The following FAM3A variants were observed in gnomAD, a reference collection of about 807,000 sequenced individuals.
FAM3A encodes protein FAM3A.
A neutral mutation model predicts 18.1 loss-of-function variants in FAM3A; 5 were observed. The ratio of observed to expected loss-of-function variants is 0.28; its 90% CI spans 0.14 to 0.58. The LOEUF (loss-of-function observed/expected upper bound fraction) is 0.58. Ranked by LOEUF, FAM3A falls within the 20% of genes least tolerant of loss-of-function variation. The pLI, the probability that FAM3A is intolerant of heterozygous loss-of-function variation, is 0.91. For missense variants in FAM3A, 154 were observed against 216.6 expected, an observed-to-expected ratio of 0.71 and a Z score of 1.81; for synonymous variants, 108 against 90.2, an observed-to-expected ratio of 1.20 and a Z score of -1.12.
At chrX:154,514,877 C>G (rs1268003361) in intron 1 of FAM3A, among the ~76,000 whole-genome samples, 2 of 109,337 alleles carry the variant, frequency 1.8e-5, no homozygotes, top group East Asian at 5.9e-4. Context: ...CGGAGTCTCG[C>G]TCTGTCGCCC....
In FAM3A at chrX:154,515,940, C is replaced by A; in HGVS notation, c.-168G>T. On this transcript the variant is annotated 5_prime_UTR_variant, in exon 1 of 9. Coordinates refer to ENST00000447601, the MANE Select transcript of FAM3A (RefSeq NM_021806.4). Reference sequence around the variant, plus strand: ...TGTCCAGCCGCCCGGCCAGGCAGGGCTCCTCGGAAACGCGCGGGGAAACCC... The same window carrying A: ...TGTCCAGCCGCCCGGCCAGGCAGGGATCCTCGGAAACGCGCGGGGAAACCC... 2.0e-6 allele frequency: 1 copy of A among 499,157 alleles called. No individual in the cohort carries two copies. Among genetic ancestry groups the A allele is most frequent in the Non-Finnish European group, 3.4e-6 (1 of 294,497 alleles). The allele number at this position is 499,157 out of a possible 1,213,427, so 41.1% of individuals were successfully genotyped here.
At chrX:154,506,972 G>A (rs979409138) in intron 8 of FAM3A, 66 bp from the exon 9 acceptor site, 1 of 1,007,250 alleles carries the variant, frequency 9.9e-7, no homozygotes, top group Non-Finnish European at 1.4e-6. Context: ...AGTGGACCAG[G>A]ACCCAGGCTG....
intron 5 of FAM3A, 46 bp downstream of exon 5, chrX:154,508,243 G>T: frequency 9.8e-7 from 1 of 1,016,189 alleles, no homozygotes; most frequent in Non-Finnish European, 1.3e-6. Context: ...CCTGGGGAGG[G>T]AGCAGGGAAG....
intron 4 of FAM3A, 58 bp from the exon 5 acceptor site, chrX:154,508,405 T>C: frequency 4.3e-6 from 5 of 1,172,507 alleles, no homozygotes; most frequent in Non-Finnish European, 5.7e-6. Flanking sequence ...TCTGCTCCAC[T>C]CTCCCTTGCA....
intron 2 of FAM3A, among the ~76,000 whole-genome samples, 187 bp downstream of exon 2, chrX:154,512,636 A>T (rs956765639): frequency 2.7e-5 from 3 of 111,433 alleles, no homozygotes; most frequent in African/African-American, 9.8e-5. Context: ...GCTTTCCTAG[A>T]TGAAGCAACT....
chrX:154,514,472 T>C (rs782058856), intron 1 of FAM3A, among the ~76,000 whole-genome samples: 12 of 107,406 alleles, frequency 1.1e-4, no homozygotes, highest in South Asian at 8.1e-4. Context: ...GGCGTGATCT[T>C]GGCTCACTGC....
At chrX:154,514,651 G>A (rs1175817990) in intron 1 of FAM3A, among the ~76,000 whole-genome samples, 8 of 111,445 alleles carry the variant, frequency 7.2e-5, no homozygotes, top group East Asian at 2.8e-4. Flanking sequence ...TGATCCGCCC[G>A]CCTCGGCCTC....
intron 3 of FAM3A, chrX:154,509,756 T>A (rs1452797917): frequency 9.0e-6 from 1 of 111,609 alleles, no homozygotes; most frequent in Non-Finnish European, 1.9e-5. Flanking sequence ...AACTCACCCA[T>A]AATAGTGGCA....
intron 3 of FAM3A, 104 bp from the exon 4 acceptor site, chrX:154,508,701 G>C: frequency 1.0e-6 from 1 of 983,490 alleles, no homozygotes; most frequent in Non-Finnish European, 1.4e-6. Flanking sequence ...AGTGACCGCA[G>C]AGCAGGACAC....
intron 4 of FAM3A, 34 bp from the exon 5 acceptor site, chrX:154,508,381 C>A: frequency 8.8e-7 from 1 of 1,132,889 alleles, no homozygotes; most frequent in Non-Finnish European, 1.2e-6. Flanking sequence ...ACGGGGAGAT[C>A]CCACATGGGC....
chrX:154,511,641 T>A (rs1249573459), intron 3 of FAM3A, among the ~76,000 whole-genome samples: 4 of 112,045 alleles, frequency 3.6e-5, no homozygotes, highest in African/African-American at 1.3e-4. Flanking sequence ...TGGGAGTATC[T>A]ATCCTAGGCC....
At chrX:154,511,418 G>C (rs2069863435) in intron 3 of FAM3A, 1 of 127,511 alleles carries the variant, frequency 7.8e-6, no homozygotes, top group African/African-American at 3.2e-5. Context: ...GAGTGAAGGG[G>C]GCAGAGATGA....
intron 2 of FAM3A, among the ~76,000 whole-genome samples, 158 bp downstream of exon 2, chrX:154,512,665 C>T (rs1438978768): frequency 1.8e-5 from 2 of 111,595 alleles, no homozygotes; most frequent in African/African-American, 6.5e-5. Context: ...GGGGAGGCTG[C>T]GCCTGATGCC....
At position 154,508,515 on chromosome X, in the gene FAM3A, G is replaced by A. The variant is rs781936236; in HGVS notation, c.234C>T (p.Ala78=). The A allele has an allele frequency of 4.4e-5, 53 of 1,206,167 alleles. No homozygotes were observed. Among genetic ancestry groups the A allele is most frequent in the South Asian group, 1.6e-4 (9 of 55,962 alleles). The change falls in exon 4 of 9, where the codon GCC becomes GCT. Residue 78 remains alanine, a synonymous_variant. Transcript: ENST00000447601. ...AGATCTTGGGCCCAATGACGTTGGC[G>A]GCCCCGCTGACCACGCGGAAGGCCA... The part of the protein sequence containing the change: ...EHLAFRVVSG[A]ANVIGPKICL...
intron 8 of FAM3A, 27 bp from the exon 9 acceptor site, chrX:154,506,933 G>C: frequency 1.7e-6 from 2 of 1,159,674 alleles, no homozygotes; most frequent in Non-Finnish European, 2.4e-6. Flanking sequence ...AGAAAGTCAT[G>C]ACTTTGGCCC....
Position 154,515,808 on chromosome X carries a change from G to A in FAM3A, c.-36C>T, listed in dbSNP as rs782565560. On this transcript the variant is annotated 5_prime_UTR_variant, in exon 1 of 9. Coordinates refer to ENST00000447601, the MANE Select transcript of FAM3A (RefSeq NM_021806.4). ...CCTGCTGGGTTGGGACCGCCGGCAAGTGCACTGTTTGGGGGCAAAGCGGAA... is the reference window on the plus strand; with the variant it reads ...CCTGCTGGGTTGGGACCGCCGGCAAATGCACTGTTTGGGGGCAAAGCGGAA... 10 of 1,207,766 alleles carry A rather than the reference G, an allele frequency of 8.3e-6. No individual in the cohort carries two copies. The highest frequency in any genetic ancestry group is 3.0e-5 in the East Asian group (1 of 33,728).
In FAM3A at chrX:154,508,724, G is replaced by A. The variant is rs782065506; in HGVS notation, c.152-127C>T. The A allele has an allele frequency of 1.8e-3, 1,510 of 857,401 alleles. 18 individuals carry two copies. In the South Asian group the frequency reaches 0.031, roughly 18 times the overall value. The allele number at this position is 857,401 out of a possible 1,213,427, so 70.7% of individuals were successfully genotyped here. A position where few individuals can be genotyped will look rare whatever the true frequency, so the allele number is the denominator to read the frequency against. ...CAGAGCAGGACACAAGTAGGGGGAT[G>A]TGGCTCAGGCCGAGGCTGGGGACAC... is the stretch of plus-strand genomic sequence containing the variant. On this transcript the variant is annotated intron_variant, in intron 3 of 8. Coordinates refer to ENST00000447601, the MANE Select transcript of FAM3A (RefSeq NM_021806.4).
intron 3 of FAM3A, 86 bp from the exon 4 acceptor site, chrX:154,508,683 G>A: frequency 9.4e-7 from 1 of 1,063,939 alleles, no homozygotes; most frequent in Non-Finnish European, 1.3e-6. Flanking sequence ...AGCACACATG[G>A]TAGAACAAGT....
chrX:154,515,181 A>G (rs1320634341), intron 1 of FAM3A, among the ~76,000 whole-genome samples: 1 of 112,053 alleles, frequency 8.9e-6, no homozygotes, highest in African/African-American at 3.2e-5. Context: ...CCATGTGTCA[A>G]TGACTTTCTA....
Sources: gnomAD v4.1 joint callset for allele counts (sites outside exome capture counted in the v4.1 genomes callset) on GRCh38, gnomAD v4.1.1 for gene constraint, MANE v1.5 for transcripts, NCBI Gene and HGNC (gene_info 2026-07-23, HGNC 2026-07-21) for gene names.